Variants in CDH20 observed in about 807,000 individuals in gnomAD.
The protein encoded by CDH20 is cadherin-20.
Under a neutral mutation model 74.2 loss-of-function variants are expected in CDH20, and 29 were observed. That is an observed-to-expected ratio of 0.39 (90% CI 0.29 to 0.53). The LOEUF is 0.53. CDH20 is among the 20% of genes least tolerant of loss of function. CDH20 has a pLI of 0.69. For missense variants in CDH20, 988 were observed against 1,048.3 expected (o/e 0.94, Z 0.79); for synonymous variants, 469 against 405.4 (o/e 1.16, Z -1.88).
chr18:61,555,592 A>G lies in CDH20; in HGVS notation c.*897A>G. 1 of 985,130 alleles carries G rather than the reference A, an allele frequency of 1.0e-6. No individual in the cohort carries two copies. Among genetic ancestry groups the G allele is most frequent in the Non-Finnish European group, 1.2e-6 (1 of 829,662 alleles). The allele number at this position is 985,130 out of a possible 1,614,324, so 61.0% of individuals were successfully genotyped here. A position where few individuals can be genotyped will look rare whatever the true frequency, so the allele number is the denominator to read the frequency against. ...GGCTTTCCTAATCTGTGTGAGGTCAATCCAAGGGATGTTTACATACTGTAG... is the reference window on the plus strand; with the variant it reads ...GGCTTTCCTAATCTGTGTGAGGTCAGTCCAAGGGATGTTTACATACTGTAG... On this transcript the variant is annotated 3_prime_UTR_variant, in exon 12 of 12. Coordinates refer to ENST00000262717, the MANE Select transcript of CDH20 (RefSeq NM_031891.4).
chr18:61,544,156 T>C (rs1259266114), intron 9 of CDH20, among the ~76,000 whole-genome samples: 1 of 151,736 alleles, frequency 6.6e-6, no homozygotes, highest in African/African-American at 2.4e-5. Flanking sequence ...AACGGGAGAG[T>C]TCCCTTATCC....
intron 1 of CDH20, among the ~76,000 whole-genome samples, chr18:61,360,312 C>G (rs1463292166): frequency 2.6e-5 from 4 of 152,020 alleles, no homozygotes; most frequent in African/African-American, 9.7e-5. Flanking sequence ...AGCTTGTTCT[C>G]AAAAGTTGGC....
intron 1 of CDH20, among the ~76,000 whole-genome samples, chr18:61,372,888 G>GTA (rs1354391201): frequency 6.6e-6 from 1 of 152,082 alleles, no homozygotes; most frequent in African/African-American, 2.4e-5. Flanking sequence ...TCATCAAGTT[G>GTA]TATATTCTCT....
At chr18:61,464,491 G>A (rs1348752806) in intron 1 of CDH20, among the ~76,000 whole-genome samples, 1 of 152,038 alleles carries the variant, frequency 6.6e-6, no homozygotes, top group Non-Finnish European at 1.5e-5. Flanking sequence ...AACTTCACAT[G>A]TCACTGCTAG....
At chr18:61,491,024 G>C (rs890563272) in intron 2 of CDH20, among the ~76,000 whole-genome samples, 1 of 152,142 alleles carries the variant, frequency 6.6e-6, no homozygotes, top group African/African-American at 2.4e-5. Flanking sequence ...GGAAAAAGTG[G>C]GAATTGGGAT....
At chr18:61,541,942 G>A (rs921380078) in intron 9 of CDH20, among the ~76,000 whole-genome samples, 11 of 151,948 alleles carry the variant, frequency 7.2e-5, no homozygotes, top group Non-Finnish European at 1.3e-4. Context: ...GCAGGAGAGC[G>A]GGCCATGCGC....
intron 1 of CDH20, among the ~76,000 whole-genome samples, chr18:61,341,531 G>A (rs932021664): frequency 6.6e-6 from 1 of 152,144 alleles, no homozygotes; most frequent in Admixed American, 6.6e-5. Flanking sequence ...ATTTTCTAAT[G>A]CAAGAAACAA....
chr18:61,528,341 C>A, intron 7 of CDH20, 121 bp downstream of exon 7: 1 of 1,016,092 alleles, frequency 9.8e-7, no homozygotes, highest in African/African-American at 1.6e-5. Context: ...AGACTCTCCT[C>A]TTTGAGTTTT....
intron 1 of CDH20, among the ~76,000 whole-genome samples, chr18:61,459,873 A>G (rs1909710191): frequency 6.6e-6 from 1 of 152,186 alleles, no homozygotes; most frequent in African/African-American, 2.4e-5. Context: ...CTGACAACTG[A>G]GAGTGAAAGG....
At chr18:61,434,405 C>A (rs1908759983) in intron 1 of CDH20, among the ~76,000 whole-genome samples, 1 of 152,136 alleles carries the variant, frequency 6.6e-6, no homozygotes, top group African/African-American at 2.4e-5. Flanking sequence ...TCAAAGTATC[C>A]TTCAGAATTC....
chr18:61,518,060 G>C (rs561343247), intron 6 of CDH20, among the ~76,000 whole-genome samples: 1 of 152,286 alleles, frequency 6.6e-6, no homozygotes, highest in African/African-American at 2.4e-5. Flanking sequence ...TACCTAGACT[G>C]CCTCTCTAGA....
intron 1 of CDH20, among the ~76,000 whole-genome samples, chr18:61,477,283 A>T (rs1034693170): frequency 1.3e-5 from 2 of 152,142 alleles, no homozygotes; most frequent in Non-Finnish European, 2.9e-5. Context: ...CTGATAAACA[A>T]CACCTTCTAC....
At chr18:61,546,752 G>A (rs758584952) in intron 10 of CDH20, among the ~76,000 whole-genome samples, 4 of 152,156 alleles carry the variant, frequency 2.6e-5, no homozygotes, top group East Asian at 1.9e-4. Flanking sequence ...ATGGGCCACC[G>A]GCACTGGATG....
chr18:61,524,524 G>A (rs1912318022), intron 6 of CDH20, among the ~76,000 whole-genome samples: 1 of 152,068 alleles, frequency 6.6e-6, no homozygotes, highest in Admixed American at 6.5e-5. Flanking sequence ...ACTCATAACC[G>A]TCAGAAATTG....
At chr18:61,511,199 C>A (rs1286521490) in intron 6 of CDH20, among the ~76,000 whole-genome samples, 1 of 151,554 alleles carries the variant, frequency 6.6e-6, no homozygotes, top group Non-Finnish European at 1.5e-5. Flanking sequence ...CTCTGTCACC[C>A]AAGCTGGAGT....
intron 1 of CDH20, among the ~76,000 whole-genome samples, chr18:61,384,631 T>C (rs1911536502): frequency 6.6e-6 from 1 of 152,196 alleles, no homozygotes; most frequent in African/African-American, 2.4e-5. Flanking sequence ...CTGATTTTAT[T>C]TCCTTACAGA....
At position 61,505,795 on chromosome 18, in the gene CDH20, A is replaced by T. The variant is rs552041118; in HGVS notation, c.830-1578A>T. Among the ~76,000 whole-genome samples, 92 of 152,342 alleles carry T rather than the reference A, an allele frequency of 6.0e-4. 1 individual carries two copies. The highest frequency in any genetic ancestry group is 1.9e-3 in the African/African-American group (80 of 41,566). On this transcript the variant is annotated intron_variant, in intron 5 of 11. Coordinates refer to ENST00000262717, the MANE Select transcript of CDH20 (RefSeq NM_031891.4). Reference sequence around the variant, plus strand: ...AAAAAGTTTAAATCTCTGTGTCTCTATGCATTCTACACACGTTATCGCTGC... The same window carrying T: ...AAAAAGTTTAAATCTCTGTGTCTCTTTGCATTCTACACACGTTATCGCTGC...
rs1208683027 is a variant in CDH20, at chr18:61,353,839, T to C, written c.-153+20012T>C. ...GCTCATGCCTGTAATCCCAGCATTTTAGGAGGCCGGGGCGGTTGGATTGCC... is the reference window on the plus strand; with the variant it reads ...GCTCATGCCTGTAATCCCAGCATTTCAGGAGGCCGGGGCGGTTGGATTGCC... On this transcript the variant is annotated intron_variant, in intron 1 of 11. Transcript: ENST00000262717. The surrounding 1 kb of genome is among the most constrained non-coding windows in gnomAD (Gnocchi z 4.6). Among the ~76,000 whole-genome samples the C allele has an allele frequency of 6.6e-6, 1 of 152,154 alleles. No homozygotes were observed. The highest frequency in any genetic ancestry group is 1.5e-5 in the Non-Finnish European group (1 of 68,028).
chr18:61,530,917 G>A (rs2079323679), intron 7 of CDH20, among the ~76,000 whole-genome samples: 1 of 152,168 alleles, frequency 6.6e-6, no homozygotes, highest in South Asian at 2.1e-4. Flanking sequence ...TGACAAGCAG[G>A]GAGTCCGGAA....
Sources: allele counts gnomAD v4.1 joint callset (sites outside exome capture counted in the v4.1 genomes callset), GRCh38; gene constraint gnomAD v4.1.1; non-coding constraint Gnocchi (gnomAD v3.1); transcripts MANE v1.5; gene names NCBI Gene and HGNC (gene_info 2026-07-23, HGNC 2026-07-21).